TTC7A: variants seen among roughly 807,000 people sequenced by gnomAD.
The protein encoded by TTC7A is tetratricopeptide repeat protein 7A.
TTC7A carries 110 observed loss-of-function variants against 103.7 expected under a neutral mutation model. The observed-to-expected ratio is 1.06, with a 90% confidence interval of 0.91 to 1.24. The LOEUF (loss-of-function observed/expected upper bound fraction) is 1.24, where lower values mean the gene tolerates loss of function less well. Among genes scored for constraint, TTC7A ranks in the 50% most tolerant of loss-of-function variants. TTC7A has a pLI of 0.00. For missense variants in TTC7A, 1,340 were observed against 1,116.3 expected (o/e 1.20, Z -2.86); for synonymous variants, 521 against 467.9 (o/e 1.11, Z -1.47).
chr2:46,915,929 A>G, upstream of TTC7A: 1 of 984,916 alleles, frequency 1.0e-6, no homozygotes, highest in Non-Finnish European at 1.2e-6. Context: ...GCGTGAGTCC[A>G]CGTGTAATCG....
At position 46,950,454 on chromosome 2, in the gene TTC7A, G is replaced by A. The variant is rs1485776929; in HGVS notation, c.276G>A (p.Leu92=). The change falls in exon 2 of 20, where the codon CTG becomes CTA. Residue 92 remains leucine, a synonymous_variant. Transcript: ENST00000319190. ...AAATAAAAGACTCCATGCCTTTGCT[G>A]GAGAAGAATGAGCCGAAGATGAGCG... ...HAKIKDSMPL[L]EKNEPKMSEA... is the part of the protein sequence containing the mutation. 3 of 1,614,070 alleles carry A rather than the reference G, an allele frequency of 1.9e-6. No individual in the cohort carries two copies. Among genetic ancestry groups the A allele is most frequent in the Admixed American group, 1.7e-5 (1 of 59,992 alleles).
At chr2:47,073,132 A>G (rs938430802) in intron 19 of TTC7A, among the ~76,000 whole-genome samples, 1 of 151,874 alleles carries the variant, frequency 6.6e-6, no homozygotes, top group African/African-American at 2.4e-5. Flanking sequence ...CACACGTTTG[A>G]GCTTTTCCTC....
intron 2 of TTC7A, among the ~76,000 whole-genome samples, chr2:46,952,024 G>A (rs1214415208): frequency 6.6e-6 from 1 of 152,220 alleles, no homozygotes; most frequent in Non-Finnish European, 1.5e-5. Flanking sequence ...TTCTGGGGCT[G>A]GATCTAGACA....
chr2:47,014,227 T>TC (rs1270646869), intron 11 of TTC7A, among the ~76,000 whole-genome samples: 1 of 151,812 alleles, frequency 6.6e-6, no homozygotes, highest in Non-Finnish European at 1.5e-5. Flanking sequence ...TGACCCCCTC[T>TC]CCCCCACAGG....
At chr2:47,002,059 T>C (rs1572871015) in intron 8 of TTC7A, among the ~76,000 whole-genome samples, 1 of 151,920 alleles carries the variant, frequency 6.6e-6, no homozygotes, top group South Asian at 2.1e-4. Flanking sequence ...GGGTGATGGG[T>C]GTATGGGGAC....
chr2:47,044,592 A>T (rs568024563), intron 15 of TTC7A, among the ~76,000 whole-genome samples: 42 of 152,332 alleles, frequency 2.8e-4, no homozygotes, highest in African/African-American at 9.1e-4. Context: ...CTATGTTCCA[A>T]GATGGGTGCA....
intron 8 of TTC7A, among the ~76,000 whole-genome samples, chr2:46,998,986 C>G (rs918708481): frequency 3.3e-5 from 5 of 152,096 alleles, no homozygotes; most frequent in Non-Finnish European, 7.4e-5. Context: ...TCTTCGGAGC[C>G]AAAATGACAT....
chr2:47,028,993 G>C (rs1680212137), intron 14 of TTC7A, among the ~76,000 whole-genome samples: 1 of 152,180 alleles, frequency 6.6e-6, no homozygotes, highest in Admixed American at 6.5e-5. Context: ...TGGCTGCCAT[G>C]GTCCTTTGTG....
At chr2:46,994,925 C>T (rs1027282602) in intron 7 of TTC7A, among the ~76,000 whole-genome samples, 4 of 152,132 alleles carry the variant, frequency 2.6e-5, no homozygotes, top group Admixed American at 6.5e-5. Flanking sequence ...TGGGAGAATC[C>T]GTACTATTCC....
upstream of TTC7A, among the ~76,000 whole-genome samples, chr2:46,939,850 G>A (rs1269028084): frequency 6.6e-6 from 1 of 152,204 alleles, no homozygotes; most frequent in African/African-American, 2.4e-5. Flanking sequence ...TAAGCCAGGA[G>A]TTTACAGACT....
chr2:47,049,136 C>T (rs945269587), intron 16 of TTC7A, among the ~76,000 whole-genome samples: 1 of 152,098 alleles, frequency 6.6e-6, no homozygotes, highest in Non-Finnish European at 1.5e-5. Flanking sequence ...AAGAAACCTT[C>T]TTGCCCAGGC....
chr2:46,978,908 G>T lies in TTC7A; in HGVS notation c.764+1G>T, dbSNP rs756396993. 6.2e-7 allele frequency: 1 copy of T among 1,609,738 alleles called. No individual in the cohort carries two copies. The highest frequency in any genetic ancestry group is 2.2e-5 in the East Asian group (1 of 44,858). On this transcript the variant is annotated splice_donor_variant, in intron 5 of 19. Coordinates refer to ENST00000319190, the MANE Select transcript of TTC7A (RefSeq NM_020458.4). LOFTEE classifies it high-confidence loss of function. Reference sequence around the variant, plus strand: ...CCTATGTGAAAAACCTGAAGAAGGGGTAGGTCACTGGTAGTTGAGTGAGTG... The same window carrying T: ...CCTATGTGAAAAACCTGAAGAAGGGTTAGGTCACTGGTAGTTGAGTGAGTG...
At position 47,011,492 on chromosome 2, in the gene TTC7A, C is replaced by T. The variant is rs55944397; in HGVS notation, c.1392+57C>T. The T allele has an allele frequency of 0.067, 94,967 of 1,407,970 alleles. 3,618 individuals carry two copies. The highest frequency in any genetic ancestry group is 0.097 in the Admixed American group (5,232 of 54,020). The allele number at this position is 1,407,970 out of a possible 1,614,324, so 87.2% of individuals were successfully genotyped here. A position where few individuals can be genotyped will look rare whatever the true frequency, so the allele number is the denominator to read the frequency against. ...CCTCCTGTGGGGAGGGTGGCAGCAG[C>T]TGGCTGTGCACGTCTTGACGTGTAT... is the stretch of plus-strand genomic sequence containing the variant. On this transcript the variant is annotated intron_variant, in intron 11 of 19. Transcript: ENST00000319190.
chr2:46,979,440 T>C (rs1284538756), intron 5 of TTC7A, among the ~76,000 whole-genome samples: 2 of 152,164 alleles, frequency 1.3e-5, no homozygotes, highest in Non-Finnish European at 1.5e-5. Flanking sequence ...CTGTCCCTGC[T>C]GACGAAGCAG....
At chr2:46,978,397 A>G (rs1453970687) in intron 4 of TTC7A, 2 of 166,500 alleles carry the variant, frequency 1.2e-5, no homozygotes, top group Admixed American at 1.2e-4. Flanking sequence ...CTAAGGACTA[A>G]ATGAGCTAAT....
At position 46,978,835 on chromosome 2, in the gene TTC7A, C is replaced by T. The variant is rs367648748; in HGVS notation, c.692C>T (p.Pro231Leu). The change falls in exon 5 of 20, where the codon CCG (proline) becomes CTG (leucine). Residue 231 changes from proline (P) to leucine (L), a missense_variant. Coordinates refer to ENST00000319190, the MANE Select transcript of TTC7A (RefSeq NM_020458.4). ...TCGAGGCATCTGAAAGGCTGTCACC[C>T]GCTTGACTATGAGCTCACCTACTTC... ...STSRHLKGCHPLDYELTYFLE... is the reference protein window; with the variant it reads ...STSRHLKGCHLLDYELTYFLE... The T allele has an allele frequency of 2.7e-5, 44 of 1,614,068 alleles. 1 individual carries two copies. Among genetic ancestry groups the T allele is most frequent in the African/African-American group, 2.5e-4 (19 of 75,016 alleles).
intron 5 of TTC7A, among the ~76,000 whole-genome samples, chr2:46,987,207 G>A (rs1675103214): frequency 6.6e-6 from 1 of 152,226 alleles, no homozygotes. Context: ...GACTCTGGTT[G>A]GAGCCTCGCC....
intron 16 of TTC7A, among the ~76,000 whole-genome samples, 164 bp from the exon 17 acceptor site, chr2:47,049,785 C>T (rs1009732743): frequency 6.6e-6 from 1 of 152,104 alleles, no homozygotes; most frequent in African/African-American, 2.4e-5. Context: ...ATGTTGGTGA[C>T]TTCAGCTCTG....
chr2:46,960,341 C>T (rs1672260774), intron 3 of TTC7A, among the ~76,000 whole-genome samples: 1 of 152,244 alleles, frequency 6.6e-6, no homozygotes, highest in African/African-American at 2.4e-5. Flanking sequence ...TCAGAATCCC[C>T]TGTTTGATTC....
Sources: allele counts gnomAD v4.1 joint callset (sites outside exome capture counted in the v4.1 genomes callset), GRCh38; gene constraint gnomAD v4.1.1; transcripts MANE v1.5; gene names NCBI Gene and HGNC (gene_info 2026-07-23, HGNC 2026-07-21).